HDAC9: variants seen among roughly 807,000 people sequenced by gnomAD.
HDAC9 encodes the protein MEF-2 interacting transcription repressor (MITR) protein.
A neutral mutation model predicts 139.4 loss-of-function variants in HDAC9; 41 were observed. The ratio of observed to expected loss-of-function variants is 0.29; its 90% CI spans 0.23 to 0.38. The LOEUF is 0.38. Ranked by LOEUF, HDAC9 falls within the 10% of genes least tolerant of loss-of-function variation. The pLI is 1.00. For synonymous variants in HDAC9, 517 were observed against 476.2 expected (o/e 1.09, Z -1.12); for missense variants, 1,147 against 1,297.0 (o/e 0.88, Z 1.78).
At chr7:18,925,040 T>G (rs571145107) in intron 22 of HDAC9, among the ~76,000 whole-genome samples, 1 of 152,288 alleles carries the variant, frequency 6.6e-6, no homozygotes, top group East Asian at 1.9e-4. Flanking sequence ...CTTTTCAAAC[T>G]GAAAAAATAG....
chr7:18,857,062 A>G (rs1484870651), intron 21 of HDAC9, among the ~76,000 whole-genome samples: 1 of 151,978 alleles, frequency 6.6e-6, no homozygotes, highest in Non-Finnish European at 1.5e-5. Flanking sequence ...TCACTCCCAT[A>G]TATGTCATGT....
At chr7:18,945,763 G>A (rs1196786980) in intron 23 of HDAC9, among the ~76,000 whole-genome samples, 1 of 151,942 alleles carries the variant, frequency 6.6e-6, no homozygotes, top group Admixed American at 6.6e-5. Flanking sequence ...ATTCAGCCAG[G>A]CACAGTGGCT....
At chr7:18,740,007 C>A (rs1787298873) in intron 13 of HDAC9, among the ~76,000 whole-genome samples, 1 of 152,252 alleles carries the variant, frequency 6.6e-6, no homozygotes, top group African/African-American at 2.4e-5. Context: ...AGGCTGCTCC[C>A]TCACAGTTCC....
chr7:18,581,700 G>A (rs1272955167), intron 2 of HDAC9, among the ~76,000 whole-genome samples: 1 of 152,090 alleles, frequency 6.6e-6, no homozygotes, highest in African/African-American at 2.4e-5. Flanking sequence ...ATCATTAACT[G>A]CCATTGCTTT....
chr7:18,196,773 T>G (rs1294280348), intron 2 of HDAC9, among the ~76,000 whole-genome samples: 1 of 152,156 alleles, frequency 6.6e-6, no homozygotes, highest in Non-Finnish European at 1.5e-5. Flanking sequence ...GGGGCTGAGT[T>G]GTTTTACATC....
chr7:18,490,035 C>T (rs973914724), intron 1 of HDAC9, among the ~76,000 whole-genome samples: 1 of 152,042 alleles, frequency 6.6e-6, no homozygotes, highest in African/African-American at 2.4e-5. Flanking sequence ...TAGCCTTGTT[C>T]TTACCTAGCC....
At position 18,355,347 on chromosome 7, in the gene HDAC9, A is replaced by G. The variant is rs922054431; in HGVS notation, c.-42+64832A>G. Among the ~76,000 whole-genome samples the G allele has an allele frequency of 3.3e-5, 5 of 152,128 alleles. No individual in the cohort carries two copies. The South Asian group carries it at 1.0e-3, about 31-fold the overall frequency. On this transcript the variant is annotated intron_variant, in intron 1 of 3. Transcript: ENST00000413509. ...CTTCCAAGAGTCTGGGTTCTTGGGA[A>G]TCTTCATTTTCAACATAGGCTCTTT...
At chr7:18,488,316 G>C (rs1449161646) in intron 1 of HDAC9, among the ~76,000 whole-genome samples, 2 of 151,940 alleles carry the variant, frequency 1.3e-5, no homozygotes, top group African/African-American at 4.8e-5. Flanking sequence ...ACCATTACGT[G>C]TCACTTAAAG....
At chr7:18,937,408 C>T (rs1187958572) in intron 23 of HDAC9, among the ~76,000 whole-genome samples, 1 of 152,134 alleles carries the variant, frequency 6.6e-6, no homozygotes, top group Non-Finnish European at 1.5e-5. Flanking sequence ...CAACAAAGTG[C>T]TGCTGTTTCA....
intron 1 of HDAC9, among the ~76,000 whole-genome samples, chr7:18,486,783 A>T (rs1338467558): frequency 1.3e-5 from 2 of 152,104 alleles, no homozygotes; most frequent in Non-Finnish European, 2.9e-5. Context: ...TCGTCCAGAA[A>T]AAATATTAGA....
At chr7:18,289,790 T>C (rs181721527), upstream of HDAC9, among the ~76,000 whole-genome samples, 1 of 152,314 alleles carries the variant, frequency 6.6e-6, no homozygotes, top group East Asian at 1.9e-4. Flanking sequence ...CTCAGCCTCT[T>C]CTTTTTCCTC....
chr7:18,380,931 T>C (rs1785375883), intron 1 of HDAC9, among the ~76,000 whole-genome samples: 1 of 152,050 alleles, frequency 6.6e-6, no homozygotes, highest in Non-Finnish European at 1.5e-5. Context: ...GGCTCATGCC[T>C]GTAATCCCAG....
At chr7:18,476,538 C>T (rs1025284087) in intron 1 of HDAC9, among the ~76,000 whole-genome samples, 1 of 151,666 alleles carries the variant, frequency 6.6e-6, no homozygotes, top group Non-Finnish European at 1.5e-5. Context: ...CAGACAGCCT[C>T]AGATGTGACC....
chr7:18,359,514 A>G (rs530472463), intron 1 of HDAC9, among the ~76,000 whole-genome samples: 4 of 152,190 alleles, frequency 2.6e-5, no homozygotes, highest in Non-Finnish European at 5.9e-5. Context: ...AAAATTCAAA[A>G]TTGCATAAAA....
intron 1 of HDAC9, among the ~76,000 whole-genome samples, chr7:18,470,466 C>A (rs1006099843): frequency 6.6e-6 from 1 of 152,124 alleles, no homozygotes; most frequent in East Asian, 1.9e-4. Flanking sequence ...AAATAAAATT[C>A]TTTCTTTTAA....
chr7:18,646,252 C>A (rs1450861203), intron 9 of HDAC9, among the ~76,000 whole-genome samples: 1 of 152,052 alleles, frequency 6.6e-6, no homozygotes, highest in Non-Finnish European at 1.5e-5. Context: ...ATGTTCTAAG[C>A]CACTCCTCTC....
At chr7:18,979,356 T>C (rs2129340089) in intron 25 of HDAC9, among the ~76,000 whole-genome samples, 1 of 152,254 alleles carries the variant, frequency 6.6e-6, no homozygotes, top group Non-Finnish European at 1.5e-5. Flanking sequence ...TACATTCATA[T>C]CTAATGTACT....
chr7:18,874,847 C>A (rs1029692441), intron 22 of HDAC9, among the ~76,000 whole-genome samples: 20 of 152,150 alleles, frequency 1.3e-4, no homozygotes, highest in African/African-American at 4.6e-4. Flanking sequence ...TTTCAGGAGA[C>A]CTGTTTTACA....
chr7:18,300,425 C>T (rs1488526082), intron 1 of HDAC9, among the ~76,000 whole-genome samples: 2 of 151,782 alleles, frequency 1.3e-5, no homozygotes, highest in East Asian at 3.9e-4. Flanking sequence ...CTTATCAATA[C>T]CTTCATGAAG....
Sources: gnomAD v4.1 joint callset for allele counts (sites outside exome capture counted in the v4.1 genomes callset) on GRCh38, gnomAD v4.1.1 for gene constraint, MANE v1.5 for transcripts, NCBI Gene and HGNC (gene_info 2026-07-23, HGNC 2026-07-21) for gene names.